Variants in SLC9A9 observed in about 807,000 individuals in gnomAD.
The protein encoded by SLC9A9 is sodium/hydrogen exchanger 9.
In SLC9A9, 62 loss-of-function variants were observed where a neutral mutation model predicts 77.8. The ratio of observed to expected loss-of-function variants is 0.80; its 90% confidence interval spans 0.65 to 0.98. The LOEUF is 0.98. SLC9A9 is among the 50% of genes least tolerant of loss of function. The pLI is 0.00. For synonymous variants in SLC9A9, 320 were observed against 283.5 expected, an observed-to-expected ratio of 1.13 and a Z score of -1.29; for missense variants, 775 against 774.9, an observed-to-expected ratio of 1.00 and a Z score of 0.00.
At chr3:143,750,731 ATC>A (rs1276054976) in intron 4 of SLC9A9, among the ~76,000 whole-genome samples, 6 of 104,328 alleles carry the variant, frequency 5.8e-5, no homozygotes, top group African/African-American at 2.0e-4. Flanking sequence ...TTAAATATAT[ATC>A]TATATATATA....
chr3:143,802,173 A>G (rs1030448751), intron 2 of SLC9A9, among the ~76,000 whole-genome samples: 2 of 152,186 alleles, frequency 1.3e-5, no homozygotes, highest in African/African-American at 4.8e-5. Context: ...CACATAAGGC[A>G]AATGGTTCTT....
chr3:143,424,499 A>G (rs1177304617), intron 12 of SLC9A9, among the ~76,000 whole-genome samples: 3 of 151,652 alleles, frequency 2.0e-5, no homozygotes, highest in Non-Finnish European at 2.9e-5. Context: ...GGATGGTCTC[A>G]ATCTCCTGAC....
chr3:143,598,606 G>T (rs1559986699), intron 6 of SLC9A9, among the ~76,000 whole-genome samples: 1 of 152,164 alleles, frequency 6.6e-6, no homozygotes, highest in African/African-American at 2.4e-5. Context: ...CTCCAAATCC[G>T]CACATGCTAC....
intron 6 of SLC9A9, among the ~76,000 whole-genome samples, chr3:143,632,944 G>T (rs892881950): frequency 6.6e-6 from 1 of 152,170 alleles, no homozygotes; most frequent in Non-Finnish European, 1.5e-5. Context: ...ACAACTGGTT[G>T]GTTGGCCAAA....
intron 4 of SLC9A9, among the ~76,000 whole-genome samples, chr3:143,752,181 T>C (rs1203207842): frequency 6.6e-6 from 1 of 152,170 alleles, no homozygotes. Flanking sequence ...CCCATCCTTA[T>C]GTGGAAAGAA....
At chr3:143,452,728 A>C (rs2035029887) in intron 12 of SLC9A9, among the ~76,000 whole-genome samples, 1 of 151,530 alleles carries the variant, frequency 6.6e-6, no homozygotes, top group South Asian at 2.1e-4. Context: ...ATCTAAGAGA[A>C]TGTCCTTATT....
At chr3:143,641,383 G>GTTTTTTT (rs1264945564) in intron 6 of SLC9A9, among the ~76,000 whole-genome samples, 1 of 98,122 alleles carries the variant, frequency 1.0e-5, no homozygotes, top group Non-Finnish European at 2.2e-5. Context: ...TGTTGTCACA[G>GTTTTTTT]TCTTTTTTTT....
intron 12 of SLC9A9, among the ~76,000 whole-genome samples, chr3:143,460,555 A>G (rs1231162020): frequency 6.6e-6 from 1 of 152,180 alleles, no homozygotes; most frequent in African/African-American, 2.4e-5. Context: ...CAGAATGTCC[A>G]TTGTTTGGTA....
At chr3:143,412,893 A>G (rs1239736689) in intron 12 of SLC9A9, among the ~76,000 whole-genome samples, 2 of 152,126 alleles carry the variant, frequency 1.3e-5, no homozygotes, top group African/African-American at 4.8e-5. Flanking sequence ...TGACAATGGC[A>G]AGCAGTTACA....
rs999118646 is a variant in SLC9A9, at chr3:143,359,210, T to A, written c.1604+4274A>T. ...CTTGCTTGCTTAATTGATTCATTCA[T>A]TCCTTCAACAAATATTTATTGAGTG... On this transcript the variant is annotated intron_variant, in intron 14 of 15. Transcript: ENST00000316549. Among the ~76,000 whole-genome samples the A allele has an allele frequency of 3.9e-5, 6 of 152,334 alleles. No individual in the cohort carries two copies. The East Asian group carries it at 5.8e-4, about 15-fold the overall frequency.
At chr3:143,701,894 A>G (rs1464436076) in intron 4 of SLC9A9, among the ~76,000 whole-genome samples, 1 of 152,218 alleles carries the variant, frequency 6.6e-6, no homozygotes, top group Non-Finnish European at 1.5e-5. Flanking sequence ...TCAAGGATAA[A>G]GAAAGGACCC....
intron 4 of SLC9A9, among the ~76,000 whole-genome samples, chr3:143,783,102 A>G (rs974128060): frequency 6.6e-6 from 1 of 152,122 alleles, no homozygotes; most frequent in East Asian, 1.9e-4. Flanking sequence ...TCTGGTCAGA[A>G]CGACCGTTAA....
At chr3:143,303,733 G>A (rs1454230695) in intron 14 of SLC9A9, among the ~76,000 whole-genome samples, 1 of 152,180 alleles carries the variant, frequency 6.6e-6, no homozygotes, top group African/African-American at 2.4e-5. Context: ...ACTCCACCTT[G>A]TGCTAAACCA....
At chr3:143,697,710 A>C (rs957768665) in intron 4 of SLC9A9, among the ~76,000 whole-genome samples, 4 of 148,530 alleles carry the variant, frequency 2.7e-5, no homozygotes, top group African/African-American at 1.0e-4. Flanking sequence ...ACACACACAC[A>C]CACACCCCAC....
Position 143,317,874 on chromosome 3 carries a change from C to T in SLC9A9, c.1604+45610G>A, listed in dbSNP as rs575548099. On this transcript the variant is annotated intron_variant, in intron 14 of 15. Transcript: ENST00000316549. Reference sequence around the variant, plus strand: ...TCCCGAGTAGCTGAGACTACAGGCACCCGCCACCACGCCTGGCTAATTTTT... The same window carrying T: ...TCCCGAGTAGCTGAGACTACAGGCATCCGCCACCACGCCTGGCTAATTTTT... Among the ~76,000 whole-genome samples, 79 of 152,258 alleles carry T rather than the reference C, an allele frequency of 5.2e-4. 2 individuals are homozygous for T. The highest frequency in any genetic ancestry group is 1.8e-3 in the Admixed American group (27 of 15,304).
At chr3:143,411,734 C>A (rs1033192466) in intron 12 of SLC9A9, among the ~76,000 whole-genome samples, 7 of 152,172 alleles carry the variant, frequency 4.6e-5, no homozygotes, top group African/African-American at 7.2e-5. Context: ...TCAGCCAGGT[C>A]TCTCTTCCCC....
At chr3:143,618,677 G>A (rs2038148594) in intron 6 of SLC9A9, among the ~76,000 whole-genome samples, 1 of 152,138 alleles carries the variant, frequency 6.6e-6, no homozygotes, top group Non-Finnish European at 1.5e-5. Context: ...TACACTACAG[G>A]GGAGACATTT....
chr3:143,793,173 A>G (rs1383354366), intron 4 of SLC9A9, among the ~76,000 whole-genome samples: 3 of 152,176 alleles, frequency 2.0e-5, no homozygotes, highest in Non-Finnish European at 4.4e-5. Context: ...ATAAATCAAA[A>G]TAGGTTCTCA....
At chr3:143,413,591 C>T (rs1400143408) in intron 12 of SLC9A9, among the ~76,000 whole-genome samples, 5 of 152,144 alleles carry the variant, frequency 3.3e-5, no homozygotes, top group Non-Finnish European at 7.3e-5. Flanking sequence ...GAACTCTTCA[C>T]CTGTCACCAG....
Sources: allele counts gnomAD v4.1 joint callset (sites outside exome capture counted in the v4.1 genomes callset), GRCh38; gene constraint gnomAD v4.1.1; transcripts MANE v1.5; gene names NCBI Gene and HGNC (gene_info 2026-07-23, HGNC 2026-07-21).